RBFOX1: variants seen among roughly 807,000 people sequenced by gnomAD.
The protein encoded by RBFOX1 is RNA binding protein fox-1 homolog 1.
Under a neutral mutation model 57.7 loss-of-function variants are expected in RBFOX1, and 8 were observed. That is an observed-to-expected ratio of 0.14 (90% CI 0.08 to 0.25). The LOEUF is 0.25. Among genes scored for constraint, RBFOX1 ranks in the 10% least tolerant of loss-of-function variants. The pLI is 1.00. For missense variants in RBFOX1, 611 were observed against 548.5 expected (o/e 1.11, Z -1.14); for synonymous variants, 326 against 222.4 (o/e 1.47, Z -4.15).
chr16:6,115,916 T>C (rs2152605121), intron 1 of RBFOX1, among the ~76,000 whole-genome samples: 1 of 152,252 alleles, frequency 6.6e-6, no homozygotes, highest in East Asian at 1.9e-4. Context: ...GAGGTATAAA[T>C]ATCTCTAGTA....
intron 4 of RBFOX1, among the ~76,000 whole-genome samples, chr16:7,517,517 C>T (rs79925986): frequency 0.041 from 6,059 of 148,192 alleles, 418 homozygotes; most frequent in African/African-American, 0.14. Context: ...TTCATTTTGG[C>T]ACTGGGGACA....
intron 4 of RBFOX1, among the ~76,000 whole-genome samples, chr16:7,314,102 A>G (rs2096383538): frequency 1.3e-5 from 2 of 152,184 alleles, no homozygotes; most frequent in Admixed American, 6.5e-5. Flanking sequence ...AGGCTTTTGG[A>G]CTTGGGGAGG....
rs1000725033 is a variant in RBFOX1 at position 7,032,778 on chromosome 16, C to T, written c.-15-19279C>T. On this transcript the variant is annotated intron_variant, in intron 3 of 15. Coordinates refer to ENST00000550418, the MANE Select transcript of RBFOX1 (RefSeq NM_018723.4). ...AATTTTCCTTTTACCCTCTATGAGA[C>T]ACCCCCGCCTTGGGTCTACCTGAAC... 3.9e-5 allele frequency among the ~76,000 whole-genome samples: 6 copies of T among 152,234 alleles called. No homozygotes were observed. The South Asian group carries it at 8.3e-4, about 21-fold the overall frequency.
intron 1 of RBFOX1, among the ~76,000 whole-genome samples, chr16:5,450,421 A>G (rs2068386730): frequency 6.6e-6 from 1 of 152,140 alleles, no homozygotes; most frequent in South Asian, 2.1e-4. Flanking sequence ...AGGGAATTTG[A>G]GCCAGTGTGG....
intron 3 of RBFOX1, among the ~76,000 whole-genome samples, chr16:5,701,870 G>C (rs2051061977): frequency 6.6e-6 from 1 of 152,162 alleles, no homozygotes; most frequent in African/African-American, 2.4e-5. Context: ...ATTTTGAATG[G>C]TCTTAACTTC....
At chr16:7,330,791 C>CA (rs1483851958) in intron 4 of RBFOX1, among the ~76,000 whole-genome samples, 1 of 152,066 alleles carries the variant, frequency 6.6e-6, no homozygotes, top group Non-Finnish European at 1.5e-5. Context: ...TGATCTGACA[C>CA]AGGCCTTACC....
chr16:7,259,815 G>A (rs900756727), intron 4 of RBFOX1, among the ~76,000 whole-genome samples: 18 of 152,136 alleles, frequency 1.2e-4, no homozygotes, highest in Non-Finnish European at 4.4e-5. Context: ...CTTTTCTCCA[G>A]AAAGGATAAT....
At chr16:5,433,504 C>A (rs533303209) in intron 1 of RBFOX1, among the ~76,000 whole-genome samples, 3 of 152,100 alleles carry the variant, frequency 2.0e-5, no homozygotes, top group African/African-American at 7.2e-5. Context: ...TTGAGGAGGG[C>A]AGAAATGTTG....
In RBFOX1 at chr16:7,011,403, G is replaced by T. The variant is rs182256084; in HGVS notation, c.-15-40654G>T. On this transcript the variant is annotated intron_variant, in intron 3 of 15. Transcript: ENST00000550418. ...GCAGATGGGGATTGAAACCAGGCGG[G>T]CTGTTTGTTGCTATGTGTTTTTAAA... 2.0e-3 allele frequency among the ~76,000 whole-genome samples: 308 copies of T among 152,310 alleles called. 2 individuals are homozygous for T. The Middle Eastern group carries it at 0.02, about 10-fold the overall frequency.
At chr16:6,667,132 G>A (rs1405230608) in intron 3 of RBFOX1, among the ~76,000 whole-genome samples, 1 of 152,124 alleles carries the variant, frequency 6.6e-6, no homozygotes, top group East Asian at 1.9e-4. Flanking sequence ...GAGGGAGGCA[G>A]GTAAAAAGAC....
intron 1 of RBFOX1, among the ~76,000 whole-genome samples, chr16:6,049,567 G>A (rs761915063): frequency 6.6e-6 from 1 of 151,078 alleles, no homozygotes; most frequent in African/African-American, 2.5e-5. Context: ...AGGATAAGAA[G>A]GTTTTTTTCC....
At chr16:6,398,902 C>A (rs112689276) in intron 2 of RBFOX1, among the ~76,000 whole-genome samples, 14,712 of 152,272 alleles carry the variant, frequency 0.097, 1,494 homozygotes, top group African/African-American at 0.26. Flanking sequence ...GGGCTCCAGC[C>A]CCACATTTCC....
At chr16:7,150,802 C>T (rs542552596) in intron 4 of RBFOX1, among the ~76,000 whole-genome samples, 2 of 152,298 alleles carry the variant, frequency 1.3e-5, no homozygotes, top group African/African-American at 4.8e-5. Flanking sequence ...ATAATTTACT[C>T]AATCTATTGA....
intron 2 of RBFOX1, among the ~76,000 whole-genome samples, chr16:5,554,595 A>G (rs575645012): frequency 8.4e-4 from 128 of 152,226 alleles, no homozygotes; most frequent in African/African-American, 2.1e-3. Flanking sequence ...TTTGCATTCA[A>G]TGTCCATCTT....
At chr16:5,269,254 T>C (rs1262035227) in intron 1 of RBFOX1, among the ~76,000 whole-genome samples, 1 of 152,236 alleles carries the variant, frequency 6.6e-6, no homozygotes, top group Non-Finnish European at 1.5e-5. Flanking sequence ...TCCTTATGGG[T>C]ATGATGTGGT....
At chr16:7,063,806 G>A (rs868277713) in intron 4 of RBFOX1, among the ~76,000 whole-genome samples, 14 of 152,254 alleles carry the variant, frequency 9.2e-5, no homozygotes, top group Admixed American at 2.6e-4. Flanking sequence ...CATAGCATTC[G>A]CATTGCATCA....
intron 4 of RBFOX1, among the ~76,000 whole-genome samples, chr16:7,432,668 A>C (rs2098691518): frequency 6.6e-6 from 1 of 152,182 alleles, no homozygotes; most frequent in African/African-American, 2.4e-5. Flanking sequence ...TGTTCTAATA[A>C]AACTTTATTT....
chr16:6,368,578 T>A (rs1357736400), intron 2 of RBFOX1, among the ~76,000 whole-genome samples: 1 of 152,242 alleles, frequency 6.6e-6, no homozygotes. Context: ...TGCTCTATGA[T>A]CTGAGCTTCC....
At position 6,629,256 on chromosome 16, in the gene RBFOX1, C is replaced by A. The variant is rs545505116; in HGVS notation, c.-63-25347C>A. On this transcript the variant is annotated intron_variant, in intron 2 of 15. Coordinates refer to ENST00000550418, the MANE Select transcript of RBFOX1 (RefSeq NM_018723.4). ...AGGCCTAGGGAAAAGGTAACCTCAT[C>A]CCATTAGCATTGTCTTCAAAAAGAA... Among the ~76,000 whole-genome samples, 21 of 152,270 alleles carry A rather than the reference C, an allele frequency of 1.4e-4. No homozygotes were observed. The South Asian group carries it at 4.4e-3, about 32-fold the overall frequency.
Sources: allele counts gnomAD v4.1 joint callset (sites outside exome capture counted in the v4.1 genomes callset), GRCh38; gene constraint gnomAD v4.1.1; transcripts MANE v1.5; gene names NCBI Gene and HGNC (gene_info 2026-07-23, HGNC 2026-07-21).